The following RASAL1 variants were observed in gnomAD, a reference collection of about 807,000 sequenced individuals.
The protein encoded by RASAL1 is rasGAP-activating-like protein 1.
In RASAL1, 72 loss-of-function variants were observed where a neutral mutation model predicts 96.6. That is an observed-to-expected ratio of 0.75 (90% confidence interval 0.62 to 0.91). RASAL1 has a LOEUF of 0.91. Ranked by LOEUF, RASAL1 falls within the 40% of genes least tolerant of loss-of-function variation. The pLI, the probability that RASAL1 is intolerant of heterozygous loss-of-function variation, is 0.00. For synonymous variants in RASAL1, 405 were observed against 430.4 expected (o/e 0.94, Z 0.73); for missense variants, 1,016 against 1,072.5 (o/e 0.95, Z 0.74).
chr12:113,116,572 G>A (rs1951093806), intron 8 of RASAL1, among the ~76,000 whole-genome samples: 1 of 152,196 alleles, frequency 6.6e-6, no homozygotes, highest in African/African-American at 2.4e-5. Context: ...AAATAGGAAT[G>A]TATACAAACA....
chr12:113,106,022 C>T (rs1464548051), intron 15 of RASAL1, 136 bp from the exon 16 acceptor site: 9 of 918,420 alleles, frequency 9.8e-6, no homozygotes, highest in Non-Finnish European at 1.3e-5. Context: ...AGGATGAGCG[C>T]GATGACTTCA....
In RASAL1 at chr12:113,100,625, T is replaced by G. The variant is rs1338182165; in HGVS notation, c.2278+3A>C. 6.2e-7 allele frequency: 1 copy of G among 1,607,434 alleles called. No individual in the cohort carries two copies. Reference sequence around the variant, plus strand: ...TTACCTTCTGAGGTACAGGAGCCCTTACCTGTGTCTGCCTCCAGAGTTGTA... The same window carrying G: ...TTACCTTCTGAGGTACAGGAGCCCTGACCTGTGTCTGCCTCCAGAGTTGTA... On this transcript the variant is annotated splice_donor_region_variant and intron_variant, in intron 20 of 20. Coordinates refer to ENST00000548055, the MANE Select transcript of RASAL1 (RefSeq NM_001301202.2).
At chr12:113,103,671 T>C (rs959952411) in intron 18 of RASAL1, 2 of 534,786 alleles carry the variant, frequency 3.7e-6, no homozygotes, top group Non-Finnish European at 6.6e-6. Flanking sequence ...GATGTTTGAG[T>C]ACCACTGGAT....
intron 7 of RASAL1, 120 bp downstream of exon 7, chr12:113,119,004 GGAAC>G (rs1951186872): frequency 1.6e-6 from 2 of 1,238,042 alleles, no homozygotes; most frequent in African/African-American, 3.0e-5. Context: ...CCTAACCAGG[GGAAC>G]CTGATGAGGC....
chr12:113,112,236 C>T lies in RASAL1; in HGVS notation c.1224G>A (p.Arg408=), dbSNP rs1471769416. ...FKGALSEEQM[R]ETSLGLLTGY... ...CCGTCAGCAGCCCCAGGCTGGTCTC[C>T]CGCATCTGCTCCTCCGAGAGTGCGC... Residue 408 remains arginine (R), a synonymous_variant, in exon 13 of 21, where the codon CGG becomes CGA. Transcript: ENST00000548055. The T allele has an allele frequency of 2.4e-6, 3 of 1,267,712 alleles. No homozygotes were observed. In the East Asian group the frequency reaches 9.1e-5, roughly 39 times the overall value. 78.5% of individuals were successfully genotyped at this position (1,267,712 alleles called of 1,614,324 possible). A position where few individuals can be genotyped will look rare whatever the true frequency, so the allele number is the denominator to read the frequency against.
rs1468940767 is a variant in RASAL1, at chr12:113,130,032, A to G, written c.122+853T>C. 6.6e-6 allele frequency among the ~76,000 whole-genome samples: 1 copy of G among 151,206 alleles called. No individual in the cohort carries two copies. The highest frequency in any genetic ancestry group is 1.5e-5 in the Non-Finnish European group (1 of 67,768). On this transcript the variant is annotated intron_variant, in intron 2 of 20. Coordinates refer to ENST00000548055, the MANE Select transcript of RASAL1 (RefSeq NM_001301202.2). The surrounding 1 kb of genome is among the most constrained non-coding windows in gnomAD (Gnocchi z 5.1). ...TCAGTGGAGGGGGGAGCTACAGCTG[A>G]CCCCTCCCCCAGGCAGGCTCCCCAC... is the stretch of plus-strand genomic sequence containing the variant.
Position 113,105,856 on chromosome 12 carries a change from G to A in RASAL1, c.1688C>T (p.Pro563Leu), listed in dbSNP as rs199548072. 6.2e-5 allele frequency: 100 copies of A among 1,613,794 alleles called. No homozygotes were observed. Among genetic ancestry groups the A allele is most frequent in the Admixed American group, 5.0e-5 (3 of 59,992 alleles). Residue 563 changes from proline (P) to leucine (L), a missense_variant, in exon 16 of 21, where the codon CCG becomes CTG. Transcript: ENST00000548055. Reference sequence around the variant, plus strand: ...GCCTTCTCGAACAATGGCCGAGGGCGGGAACAGGGCCCTGGCTGGGACACC... The same window carrying A: ...GCCTTCTCGAACAATGGCCGAGGGCAGGAACAGGGCCCTGGCTGGGACACC... ...EAGVPARALF[P>L]PSAIVREGYL... is the part of the protein sequence containing the mutation.
At chr12:113,104,103 CA>C (rs780507959) in intron 17 of RASAL1, 22 bp from the exon 18 acceptor site, 20 of 1,563,612 alleles carry the variant, frequency 1.3e-5, no homozygotes, top group African/African-American at 2.8e-5. Flanking sequence ...GGGAGGCGAT[CA>C]GGGGGCGGGT....
At chr12:113,136,743 A>C (rs1294018155), upstream of RASAL1, among the ~76,000 whole-genome samples, 1 of 152,208 alleles carries the variant, frequency 6.6e-6, no homozygotes, top group Non-Finnish European at 1.5e-5. Context: ...ACAAGTACCT[A>C]ATACACGTCC....
intron 13 of RASAL1, 109 bp from the exon 14 acceptor site, chr12:113,108,331 G>A (rs976124791): frequency 1.9e-5 from 25 of 1,324,336 alleles, no homozygotes; most frequent in Non-Finnish European, 2.4e-5. Context: ...AGTAGGATGG[G>A]GAATTGACCA....
At position 113,099,931 on chromosome 12, in the gene RASAL1, A is replaced by AG. The variant is rs1950380532; in HGVS notation, c.2415dup (p.Ter806LeufsTer7). ...TCCGGGCTAGCTCTGGCATTTCCTT[A>AG]GGGGCCAAGGGGGCCCAGGGCCGCC... On this transcript the variant is annotated frameshift_variant, in exon 21 of 21. Transcript: ENST00000548055. LOFTEE classifies it high-confidence loss of function. The AG allele has an allele frequency of 1.2e-6, 2 of 1,609,474 alleles. No homozygotes were observed. The highest frequency in any genetic ancestry group is 8.5e-7 in the Non-Finnish European group (1 of 1,177,566).
intron 12 of RASAL1, 40 bp downstream of exon 12, chr12:113,114,760 G>A: frequency 6.4e-7 from 1 of 1,559,808 alleles, no homozygotes; most frequent in Non-Finnish European, 8.8e-7. Context: ...GGTAGCCAAA[G>A]GGGCCCGTCG....
chr12:113,135,480 T>C lies in RASAL1; in HGVS notation c.-18A>G, dbSNP rs1951880766. On this transcript the variant is annotated 5_prime_UTR_variant, in exon 1 of 21. Coordinates refer to ENST00000548055, the MANE Select transcript of RASAL1 (RefSeq NM_001301202.2). This position sits in a 1 kb window ranked among gnomAD's most constrained non-coding sequence, Gnocchi z 5.7. The stretch of plus-strand genomic sequence containing the variant: ...TTGGCCATGGCGCCTAGCCACAAAC[T>C]TTCCAGGCAGAAGGGCGCTCAGGTT... The C allele has an allele frequency of 6.3e-7, 1 of 1,597,640 alleles. No individual in the cohort carries two copies. Among genetic ancestry groups the C allele is most frequent in the Admixed American group, 1.7e-5 (1 of 57,978 alleles).
Position 113,105,744 on chromosome 12 carries a change from G to A in RASAL1, c.1800C>T (p.Thr600=), listed in dbSNP as rs1950621799. The change falls in exon 16 of 21, where the codon ACC becomes ACT. Residue 600 remains threonine (T), a synonymous_variant. Coordinates refer to ENST00000548055, the MANE Select transcript of RASAL1 (RefSeq NM_001301202.2). ...ACTCAGGACTCTTGGAGAAGGAGAG[G>A]GTCTCCCCGCTGAGCCAGACGTAGC... ...KKRYVWLSGE[T]LSFSKSPEWQ... is the part of the protein sequence containing the mutation. 1.9e-6 allele frequency: 3 copies of A among 1,612,632 alleles called. No homozygotes were observed. The highest frequency in any genetic ancestry group is 2.5e-6 in the Non-Finnish European group (3 of 1,179,026).
chr12:113,119,393 A>C lies in RASAL1; in HGVS notation c.479T>G (p.Val160Gly). 6.2e-7 allele frequency: 1 copy of C among 1,611,840 alleles called. No individual in the cohort carries two copies. The highest frequency in any genetic ancestry group is 1.1e-5 in the South Asian group (1 of 90,554). Residue 160 changes from valine to glycine, a missense_variant, in exon 6 of 21, where the codon GTG (valine) becomes GGG (glycine). Physicochemically the swap from Val to Gly is moderately radical, Grantham distance 109 (BLOSUM62 -3). Coordinates refer to ENST00000548055, the MANE Select transcript of RASAL1 (RefSeq NM_001301202.2). ...ISGTSDPFAR[V>G]FWGSQSLETS... ...CTCCAAGCTCTGGCTGCCCCAAAAC[A>C]CACGTGCAAATGGGTCAGATGTGCC...
At chr12:113,108,290 G>A in intron 13 of RASAL1, 68 bp from the exon 14 acceptor site, 2 of 1,506,518 alleles carry the variant, frequency 1.3e-6, no homozygotes, top group East Asian at 2.5e-5. Flanking sequence ...AACTGAGGCA[G>A]CAAGGACTAG....
intron 7 of RASAL1, among the ~76,000 whole-genome samples, chr12:113,118,645 G>T (rs1951174470): frequency 6.6e-6 from 1 of 152,196 alleles, no homozygotes; most frequent in Non-Finnish European, 1.5e-5. Context: ...AGGAGTAGGA[G>T]TTAAGGGCGT....
At chr12:113,127,141 T>C (rs543638944) in intron 4 of RASAL1, among the ~76,000 whole-genome samples, 2 of 152,164 alleles carry the variant, frequency 1.3e-5, no homozygotes, top group African/African-American at 4.8e-5. Flanking sequence ...CTCCTGCCTC[T>C]GCCTCTGCCT....
chr12:113,115,614 G>A lies in RASAL1; in HGVS notation c.1003+21C>T. On this transcript the variant is annotated intron_variant, in intron 10 of 20. Coordinates refer to ENST00000548055, the MANE Select transcript of RASAL1 (RefSeq NM_001301202.2). The surrounding 1 kb of genome is among the most constrained non-coding windows in gnomAD (Gnocchi z 4.1). ...CCCACCATTGAGGGCGGTGATGTCG[G>A]GGGTTGTGCGGGCAACTCACTGGTC... 1.9e-6 allele frequency: 3 copies of A among 1,610,750 alleles called. No homozygotes were observed. Among genetic ancestry groups the A allele is most frequent in the East Asian group, 2.2e-5 (1 of 44,850 alleles).
Sources: gnomAD v4.1 joint callset for allele counts (sites outside exome capture counted in the v4.1 genomes callset) on GRCh38, gnomAD v4.1.1 for gene constraint, Gnocchi (gnomAD v3.1) non-coding constraint, MANE v1.5 for transcripts, NCBI Gene and HGNC (gene_info 2026-07-23, HGNC 2026-07-21) for gene names.